EZR: variants seen among roughly 807,000 people sequenced by gnomAD.
EZR encodes cytovillin 2.
Under a neutral mutation model 74.8 loss-of-function variants are expected in EZR, and 40 were observed. The observed-to-expected ratio is 0.53, with a 90% CI of 0.42 to 0.70. The LOEUF (loss-of-function observed/expected upper bound fraction) is 0.70. EZR is among the 30% of genes least tolerant of loss of function. The probability of loss-of-function intolerance (pLI) is 0.00; values close to 1 mark genes in which losing one functional copy is unlikely to be tolerated. For missense variants in EZR, 678 were observed against 755.8 expected (o/e 0.90, Z 1.21); for synonymous variants, 341 against 283.3 (o/e 1.20, Z -2.05).
intron 2 of EZR, among the ~76,000 whole-genome samples, chr6:158,796,210 G>A (rs2128572865): frequency 6.6e-6 from 1 of 152,322 alleles, no homozygotes; most frequent in Non-Finnish European, 1.5e-5. Flanking sequence ...ACACACCTGT[G>A]TTCACTTTCC....
chr6:158,767,947 G>C (rs145644180), intron 12 of EZR, among the ~76,000 whole-genome samples: 1 of 151,884 alleles, frequency 6.6e-6, no homozygotes, highest in African/African-American at 2.4e-5. Context: ...CCCTAGAGTT[G>C]AGCTTAGTGT....
At position 158,766,811 on chromosome 6, in the gene EZR, GA is replaced by G; in HGVS notation, c.*102del. On this transcript the variant is annotated 3_prime_UTR_variant, in exon 14 of 14. Transcript: ENST00000367075. ...GGTAACTGCTTTCTAAAGGAACTGG[GA>G]TCTGAGGGAGTTCCTAGACTTGGAG... 3.5e-6 allele frequency: 4 copies of G among 1,139,508 alleles called. No individual in the cohort carries two copies. The highest frequency in any genetic ancestry group is 5.1e-6 in the Non-Finnish European group (4 of 789,948). The allele number at this position is 1,139,508 out of a possible 1,614,324, so 70.6% of individuals were successfully genotyped here.
chr6:158,770,945 T>C, intron 9 of EZR, 51 bp from the exon 10 acceptor site: 2 of 1,613,312 alleles, frequency 1.2e-6, no homozygotes, highest in East Asian at 4.5e-5. Context: ...GGCAGGAAAG[T>C]GAGGGGTCAA....
chr6:158,814,938 CCACT>C (rs927014159), intron 2 of EZR, among the ~76,000 whole-genome samples: 13 of 152,264 alleles, frequency 8.5e-5, no homozygotes, highest in African/African-American at 2.4e-4. Context: ...ATAAAGTCAT[CCACT>C]CACTCAGTTC....
chr6:158,787,584 G>A (rs1161320946), intron 3 of EZR, among the ~76,000 whole-genome samples: 3 of 152,282 alleles, frequency 2.0e-5, no homozygotes, highest in African/African-American at 7.2e-5. Context: ...TGCGGTGGGT[G>A]CATCGCTGCC....
chr6:158,767,226 C>A (rs369882065), intron 13 of EZR, 35 bp downstream of exon 13: 3 of 1,593,624 alleles, frequency 1.9e-6, no homozygotes, highest in South Asian at 1.1e-5. Context: ...AAAAGCGAGG[C>A]AGGCTCCCTG....
chr6:158,784,542 G>A, intron 6 of EZR, 102 bp downstream of exon 6: 3 of 1,050,208 alleles, frequency 2.9e-6, no homozygotes, highest in Non-Finnish European at 4.3e-6. Context: ...TCTTCACAAG[G>A]CCTGACACAG....
intron 1 of EZR, 120 bp from the exon 2 acceptor site, chr6:158,818,286 G>A (rs1014555038): frequency 9.6e-6 from 4 of 417,438 alleles, no homozygotes; most frequent in Non-Finnish European, 1.7e-5. Context: ...GGGCCCGGGT[G>A]AGTCAGCGCC....
intron 2 of EZR, among the ~76,000 whole-genome samples, chr6:158,803,462 T>G (rs1777233015): frequency 6.8e-6 from 1 of 147,248 alleles, no homozygotes; most frequent in South Asian, 2.2e-4. Flanking sequence ...TTTAAATAGA[T>G]GCCAATGGTT....
chr6:158,781,905 G>T (rs771732410), intron 7 of EZR, among the ~76,000 whole-genome samples: 5 of 151,230 alleles, frequency 3.3e-5, no homozygotes, highest in Non-Finnish European at 2.9e-5. Flanking sequence ...GACCACAGGC[G>T]TGCACCACCA....
At chr6:158,779,000 A>C (rs1415603896) in intron 7 of EZR, among the ~76,000 whole-genome samples, 1 of 152,204 alleles carries the variant, frequency 6.6e-6, no homozygotes, top group Non-Finnish European at 1.5e-5. Flanking sequence ...ACATCTACAT[A>C]GTTTAAAATT....
intron 2 of EZR, among the ~76,000 whole-genome samples, chr6:158,804,562 G>C (rs1270691607): frequency 6.6e-6 from 1 of 152,128 alleles, no homozygotes; most frequent in Non-Finnish European, 1.5e-5. Flanking sequence ...TAACTACTTA[G>C]TAAACTTAGT....
intron 8 of EZR, among the ~76,000 whole-genome samples, chr6:158,773,216 A>G (rs1256316642): frequency 1.3e-5 from 2 of 152,176 alleles, no homozygotes; most frequent in East Asian, 3.8e-4. Context: ...GGATCAATGA[A>G]AAACCTCAAT....
At chr6:158,789,556 A>G (rs1161287160) in intron 2 of EZR, 185 bp from the exon 3 acceptor site, 2 of 743,650 alleles carry the variant, frequency 2.7e-6, no homozygotes, top group South Asian at 2.7e-5. Flanking sequence ...CTCAGGAGGC[A>G]CACAGTGCAA....
At chr6:158,776,281 C>T (rs1791275394) in intron 8 of EZR, 127 bp downstream of exon 8, 1 of 778,282 alleles carries the variant, frequency 1.3e-6, no homozygotes, top group Non-Finnish European at 2.2e-6. Context: ...GATCTCTGGC[C>T]CTCAATGTAA....
intron 10 of EZR, among the ~76,000 whole-genome samples, chr6:158,770,225 C>T (rs1056662433): frequency 2.0e-5 from 3 of 152,206 alleles, no homozygotes; most frequent in East Asian, 1.9e-4. Context: ...CCAGGTCAGC[C>T]GCCCGCTGTG....
At chr6:158,816,159 C>T (rs1285316744) in intron 2 of EZR, among the ~76,000 whole-genome samples, 2 of 152,080 alleles carry the variant, frequency 1.3e-5, no homozygotes, top group African/African-American at 4.8e-5. Context: ...ATGGTGGTTG[C>T]CAAGGGCTGG....
Position 158,770,966 on chromosome 6 carries a change from G to A in EZR, c.960-72C>T, listed in dbSNP as rs538498960. On this transcript the variant is annotated intron_variant, in intron 9 of 13. Transcript: ENST00000367075. ...AAAGTGAGGGGTCAACACACTTCAC[G>A]GGTACTTGAAGCTCCAGGATGGACT... 22 of 1,601,066 alleles carry A rather than the reference G, an allele frequency of 1.4e-5. No homozygotes were observed. In the African/African-American group the frequency reaches 1.5e-4, roughly 11 times the overall value.
intron 2 of EZR, among the ~76,000 whole-genome samples, chr6:158,815,502 A>G (rs967443854): frequency 6.6e-6 from 1 of 152,160 alleles, no homozygotes; most frequent in Non-Finnish European, 1.5e-5. Context: ...TTCAGACAAC[A>G]TCTCACTCTG....
Sources: gnomAD v4.1 joint callset for allele counts (sites outside exome capture counted in the v4.1 genomes callset) on GRCh38, gnomAD v4.1.1 for gene constraint, MANE v1.5 for transcripts, NCBI Gene and HGNC (gene_info 2026-07-23, HGNC 2026-07-21) for gene names.